Variants in CDK5RAP2 observed in about 807,000 individuals in gnomAD.
The protein encoded by CDK5RAP2 is CDK5 regulatory subunit-associated protein 2.
In CDK5RAP2, 147 loss-of-function variants were observed where a neutral mutation model predicts 232.9. The ratio of observed to expected loss-of-function variants is 0.63; its 90% CI spans 0.55 to 0.72. The LOEUF (loss-of-function observed/expected upper bound fraction) is 0.72, where lower values mean the gene tolerates loss of function less well. Ranked by LOEUF, CDK5RAP2 falls within the 30% of genes least tolerant of loss-of-function variation. The pLI is 0.00. For synonymous variants in CDK5RAP2, 833 were observed against 833.7 expected (o/e 1.00, Z 0.01); for missense variants, 2,195 against 2,231.5 (o/e 0.98, Z 0.33).
At chr9:120,559,503 A>G (rs888146694) in intron 3 of CDK5RAP2, among the ~76,000 whole-genome samples, 94 of 148,656 alleles carry the variant, frequency 6.3e-4, no homozygotes, top group African/African-American at 2.0e-3. Flanking sequence ...AAAAAAAAAA[A>G]AAAAAGAAAA....
chr9:120,504,833 T>A (rs1403558190), intron 12 of CDK5RAP2, among the ~76,000 whole-genome samples: 1 of 152,192 alleles, frequency 6.6e-6, no homozygotes, highest in African/African-American at 2.4e-5. Context: ...CTGGAAAAAG[T>A]ACAAATTCCC....
At position 120,460,671 on chromosome 9, in the gene CDK5RAP2, C is replaced by T; in HGVS notation, c.2107-4G>A. ...CGTCCTCCTTGCTAGCCAGAAGCTA[C>T]ATGGAGCATGGAATGGTGTGAAAAT... On this transcript the variant is annotated splice_region_variant and splice_polypyrimidine_tract_variant and intron_variant, in intron 18 of 37. Coordinates refer to ENST00000349780, the MANE Select transcript of CDK5RAP2 (RefSeq NM_018249.6). The T allele has an allele frequency of 6.2e-7, 1 of 1,613,938 alleles. No individual in the cohort carries two copies. The highest frequency in any genetic ancestry group is 8.5e-7 in the Non-Finnish European group (1 of 1,179,948).
At chr9:120,417,158 C>T (rs1251526958) in intron 27 of CDK5RAP2, among the ~76,000 whole-genome samples, 4 of 151,888 alleles carry the variant, frequency 2.6e-5, no homozygotes, top group African/African-American at 9.7e-5. Context: ...CACGGCACTG[C>T]ACCTCCCCAC....
intron 12 of CDK5RAP2, among the ~76,000 whole-genome samples, chr9:120,511,237 G>A (rs1037994420): frequency 6.6e-6 from 1 of 152,216 alleles, no homozygotes; most frequent in African/African-American, 2.4e-5. Flanking sequence ...ATATCCAAGA[G>A]TAATGGTTGG....
At chr9:120,559,178 T>C (rs1288132184) in intron 3 of CDK5RAP2, among the ~76,000 whole-genome samples, 1 of 152,128 alleles carries the variant, frequency 6.6e-6, no homozygotes, top group African/African-American at 2.4e-5. Flanking sequence ...ATATAGTTGC[T>C]AGTAAAACAT....
At chr9:120,480,578 ATTTT>A (rs36202087) in intron 14 of CDK5RAP2, among the ~76,000 whole-genome samples, 3,207 of 152,232 alleles carry the variant, frequency 0.021, 99 homozygotes, top group African/African-American at 0.07. Context: ...CCATAGCATA[ATTTT>A]TTTATATTTT....
chr9:120,533,376 C>T (rs547632830), intron 7 of CDK5RAP2, among the ~76,000 whole-genome samples: 21 of 152,232 alleles, frequency 1.4e-4, no homozygotes, highest in Admixed American at 1.1e-3. Context: ...GCTCACAGGC[C>T]CTCAAACCCA....
intron 22 of CDK5RAP2, among the ~76,000 whole-genome samples, chr9:120,446,285 G>A (rs142650316): frequency 3.3e-5 from 5 of 151,604 alleles, no homozygotes; most frequent in Non-Finnish European, 7.4e-5. Flanking sequence ...ATGGAGTTTC[G>A]CTCTTGTGTC....
chr9:120,397,544 TAAAAAAAAAA>T (rs760469422), intron 35 of CDK5RAP2, among the ~76,000 whole-genome samples: 348 of 49,206 alleles, frequency 7.1e-3, no homozygotes, highest in South Asian at 0.018. Context: ...AAAACATTCT[TAAAAAAAAAA>T]AAAAAAAAAA....
In CDK5RAP2 at chr9:120,437,375, T is replaced by G; in HGVS notation, c.3875A>C (p.Tyr1292Ser). 5 of 1,614,140 alleles carry G rather than the reference T, an allele frequency of 3.1e-6. No homozygotes were observed. The highest frequency in any genetic ancestry group is 4.2e-6 in the Non-Finnish European group (5 of 1,179,998). The change falls in exon 25 of 38, where the codon TAC (tyrosine) becomes TCC (serine). Residue 1292 changes from tyrosine to serine, a missense_variant. Physicochemically the swap from Tyr to Ser is moderately radical, Grantham distance 144. Coordinates refer to ENST00000349780, the MANE Select transcript of CDK5RAP2 (RefSeq NM_018249.6). ...EELLQASDVD[Y>S]CVAEGFQEQL... ...TTCCTGGAAACCCTCGGCCACACAG[T>G]AATCCACATCACTGGCCTGCAGCAA...
chr9:120,512,960 G>C (rs140737496), intron 12 of CDK5RAP2, among the ~76,000 whole-genome samples: 1 of 152,304 alleles, frequency 6.6e-6, no homozygotes, highest in East Asian at 1.9e-4. Flanking sequence ...TGAGGATTGA[G>C]CTGAATGTGA....
chr9:120,433,612 T>C (rs1307707115), intron 25 of CDK5RAP2, among the ~76,000 whole-genome samples: 1 of 152,232 alleles, frequency 6.6e-6, no homozygotes, highest in Non-Finnish European at 1.5e-5. Flanking sequence ...TATTTAAATA[T>C]GTAAGGTTAT....
chr9:120,487,468 T>C lies in CDK5RAP2; in HGVS notation c.1483-31A>G, dbSNP rs146828228. The stretch of plus-strand genomic sequence containing the variant: ...GAAATAAAACAAATTCTAAGGAAAT[T>C]GTCATCAAGAAAAAAAATATTAAGA... On this transcript the variant is annotated intron_variant, in intron 13 of 37. Coordinates refer to ENST00000349780, the MANE Select transcript of CDK5RAP2 (RefSeq NM_018249.6). 699 of 1,530,736 alleles carry C rather than the reference T, an allele frequency of 4.6e-4. 7 individuals are homozygous for C. The East Asian group carries it at 0.016, about 34-fold the overall frequency. The allele number at this position is 1,530,736 out of a possible 1,614,324, so 94.8% of individuals were successfully genotyped here. A position where few individuals can be genotyped will look rare whatever the true frequency, so the allele number is the denominator to read the frequency against.
At chr9:120,575,113 G>C (rs781364829) in intron 1 of CDK5RAP2, among the ~76,000 whole-genome samples, 2 of 152,008 alleles carry the variant, frequency 1.3e-5, no homozygotes, top group Admixed American at 6.5e-5. Flanking sequence ...GTGCAGTGGC[G>C]TGATCTCAGC....
rs770145694 is a variant in CDK5RAP2 at position 120,400,885 on chromosome 9, C to A, written c.5308G>T (p.Gly1770Cys). The change falls in exon 35 of 38, where the codon GGT (glycine) becomes TGT (cysteine). Residue 1770 changes from glycine to cysteine, a missense_variant and splice_region_variant. Physicochemically the swap from Gly to Cys is radical, Grantham distance 159. Coordinates refer to ENST00000349780, the MANE Select transcript of CDK5RAP2 (RefSeq NM_018249.6). ...SSTSQELGTK[G>C]PHPAPLSKFV... ...TTGCTCAGTGGTGCTGGGTGTGGAC[C>A]CTACACGGGGGATATGAAGGCTGTT... 7 of 1,613,962 alleles carry A rather than the reference C, an allele frequency of 4.3e-6. No individual in the cohort carries two copies. The African/African-American group carries it at 6.7e-5, about 15-fold the overall frequency.
intron 5 of CDK5RAP2, among the ~76,000 whole-genome samples, chr9:120,545,060 TG>T (rs1190743758): frequency 5.3e-5 from 8 of 152,212 alleles, no homozygotes; most frequent in African/African-American, 1.7e-4. Context: ...ACTTTTCAAA[TG>T]TTTTTTAAGG....
intron 25 of CDK5RAP2, among the ~76,000 whole-genome samples, chr9:120,430,246 C>A (rs901322547): frequency 6.6e-6 from 1 of 152,082 alleles, no homozygotes; most frequent in Non-Finnish European, 1.5e-5. Context: ...GCAACAAAAG[C>A]CAAAATTGAC....
intron 4 of CDK5RAP2, among the ~76,000 whole-genome samples, chr9:120,550,334 T>C (rs1169800836): frequency 1.3e-5 from 2 of 152,230 alleles, no homozygotes; most frequent in African/African-American, 4.8e-5. Flanking sequence ...GACTGTGTGC[T>C]GGAGCTTTTC....
rs773457650 is a variant in CDK5RAP2 at position 120,443,783 on chromosome 9, G to GT, written c.3026-42dup. The GT allele has an allele frequency of 1.6e-5, 25 of 1,611,984 alleles. No homozygotes were observed. In the South Asian group the frequency reaches 2.6e-4, roughly 17 times the overall value. The stretch of plus-strand genomic sequence containing the variant: ...AAGAGAAAGAAAAATAAATAAAACC[G>GT]TAAGACCTGAAACTTAGCCAAGCAA... On this transcript the variant is annotated intron_variant, in intron 22 of 37. Coordinates refer to ENST00000349780, the MANE Select transcript of CDK5RAP2 (RefSeq NM_018249.6).
Sources: allele counts gnomAD v4.1 joint callset (sites outside exome capture counted in the v4.1 genomes callset), GRCh38; gene constraint gnomAD v4.1.1; transcripts MANE v1.5; gene names NCBI Gene and HGNC (gene_info 2026-07-23, HGNC 2026-07-21).